Variants in DRC1 observed in about 807,000 individuals in gnomAD.
The protein encoded by DRC1 is dynein regulatory complex protein 1.
A neutral mutation model predicts 98.7 loss-of-function variants in DRC1; 74 were observed. That is an observed-to-expected ratio of 0.75 (90% confidence interval 0.62 to 0.91). DRC1 has a LOEUF of 0.91. DRC1 is among the 40% of genes least tolerant of loss of function. The probability of loss-of-function intolerance (pLI) is 0.00; values close to 1 mark genes in which losing one functional copy is unlikely to be tolerated. For missense variants in DRC1, 875 were observed against 886.0 expected, an observed-to-expected ratio of 0.99 and a Z score of 0.16; for synonymous variants, 336 against 334.1, an observed-to-expected ratio of 1.01 and a Z score of -0.06.
At chr2:26,421,708 G>C (rs1663148405) in intron 3 of DRC1, among the ~76,000 whole-genome samples, 1 of 151,958 alleles carries the variant, frequency 6.6e-6, no homozygotes, top group Non-Finnish European at 1.5e-5. Context: ...TTACAGGCAT[G>C]CGCCACCAAG....
At chr2:26,412,889 T>C (rs1572353833) in intron 1 of DRC1, among the ~76,000 whole-genome samples, 1 of 152,194 alleles carries the variant, frequency 6.6e-6, no homozygotes, top group Admixed American at 6.5e-5. Flanking sequence ...TTCACGCCAT[T>C]CTCCTGCCTC....
intron 3 of DRC1, among the ~76,000 whole-genome samples, chr2:26,422,721 G>T (rs1226916976): frequency 1.3e-5 from 2 of 152,092 alleles, no homozygotes; most frequent in Non-Finnish European, 2.9e-5. Context: ...TTCAAGACCA[G>T]CTTGGCCAAC....
chr2:26,425,395 G>A (rs1229457937), intron 4 of DRC1, among the ~76,000 whole-genome samples: 4 of 152,118 alleles, frequency 2.6e-5, no homozygotes, highest in Admixed American at 2.0e-4. Flanking sequence ...GGGTATACAC[G>A]TATCTCTTTG....
At chr2:26,434,721 C>T (rs1663526122) in intron 7 of DRC1, among the ~76,000 whole-genome samples, 1 of 152,020 alleles carries the variant, frequency 6.6e-6, no homozygotes, top group Non-Finnish European at 1.5e-5. Context: ...GAAACCACGT[C>T]TCTACTAAAA....
chr2:26,416,839 A>G (rs1678821465), intron 2 of DRC1, among the ~76,000 whole-genome samples: 1 of 152,192 alleles, frequency 6.6e-6, no homozygotes, highest in South Asian at 2.1e-4. Flanking sequence ...TGGATAATTT[A>G]TAAGGAGGTT....
chr2:26,431,812 G>T, intron 6 of DRC1, 72 bp from the exon 7 acceptor site: 1 of 1,590,586 alleles, frequency 6.3e-7, no homozygotes, highest in South Asian at 1.1e-5. Flanking sequence ...GTCATGCTGG[G>T]CAGGCCATCC....
intron 7 of DRC1, among the ~76,000 whole-genome samples, chr2:26,435,684 A>G (rs558215909): frequency 8.6e-5 from 13 of 150,896 alleles, no homozygotes; most frequent in Non-Finnish European, 1.3e-4. Flanking sequence ...TTCTGTTCCT[A>G]TGTTAGTTTG....
chr2:26,424,507 G>C, intron 4 of DRC1, 53 bp downstream of exon 4: 1 of 1,545,362 alleles, frequency 6.5e-7, no homozygotes, highest in South Asian at 1.2e-5. Flanking sequence ...CTGGGATTTA[G>C]CTGGGTTACT....
intron 7 of DRC1, among the ~76,000 whole-genome samples, chr2:26,437,697 A>G (rs1451388706): frequency 6.6e-6 from 1 of 152,212 alleles, no homozygotes; most frequent in Non-Finnish European, 1.5e-5. Context: ...AAAATTATTA[A>G]AAGTATATAT....
intron 10 of DRC1, among the ~76,000 whole-genome samples, chr2:26,445,744 C>T (rs190010497): frequency 4.0e-5 from 6 of 151,898 alleles, no homozygotes; most frequent in East Asian, 1.9e-4. Context: ...CTGCAACCTC[C>T]GCCTCCCGGG....
intron 10 of DRC1, among the ~76,000 whole-genome samples, chr2:26,446,094 ATTTTTTTTTTTTT>A (rs35251803): frequency 1.2e-5 from 1 of 83,006 alleles, no homozygotes; most frequent in Non-Finnish European, 2.7e-5. Flanking sequence ...CAAATAGGGA[ATTTTTTTTTTTTT>A]TTTTTTTTTG....
intron 16 of DRC1, among the ~76,000 whole-genome samples, chr2:26,455,837 G>A (rs897005563): frequency 3.3e-5 from 5 of 152,216 alleles, no homozygotes; most frequent in Non-Finnish European, 7.3e-5. Context: ...GGCAAGAGGA[G>A]GAAGGAAAAA....
At chr2:26,438,977 C>T (rs769267120) in intron 7 of DRC1, among the ~76,000 whole-genome samples, 4 of 152,162 alleles carry the variant, frequency 2.6e-5, no homozygotes, top group Non-Finnish European at 4.4e-5. Flanking sequence ...TCAGGGTGAT[C>T]TTTCTACAGT....
chr2:26,423,121 C>G (rs1267122497), intron 3 of DRC1, among the ~76,000 whole-genome samples: 1 of 151,946 alleles, frequency 6.6e-6, no homozygotes, highest in Non-Finnish European at 1.5e-5. Context: ...GGAATGGAGT[C>G]GGCAGATTCC....
At chr2:26,421,549 TTC>T (rs758904928) in intron 3 of DRC1, 149 bp downstream of exon 3, 1 of 437,116 alleles carries the variant, frequency 2.3e-6, no homozygotes, top group Non-Finnish European at 3.9e-6. Context: ...CTCCTCTTCT[TTC>T]TCTCTCTTTT....
intron 4 of DRC1, among the ~76,000 whole-genome samples, chr2:26,425,369 A>G (rs893798665): frequency 1.8e-4 from 28 of 152,310 alleles, no homozygotes; most frequent in African/African-American, 6.5e-4. Flanking sequence ...TTTGTGAGTA[A>G]TGCTGCTATG....
At chr2:26,403,272 G>A (rs569058392) in intron 1 of DRC1, among the ~76,000 whole-genome samples, 12 of 152,168 alleles carry the variant, frequency 7.9e-5, no homozygotes, top group African/African-American at 2.4e-4. Context: ...GAACCTTGGC[G>A]CATCGTTATC....
intron 2 of DRC1, among the ~76,000 whole-genome samples, chr2:26,415,429 T>C (rs1261674561): frequency 1.3e-5 from 2 of 152,208 alleles, no homozygotes; most frequent in Admixed American, 6.5e-5. Context: ...AGATCATTTC[T>C]GGTGAGAAAA....
At chr2:26,426,659 G>A (rs749682996) in intron 4 of DRC1, among the ~76,000 whole-genome samples, 4 of 151,992 alleles carry the variant, frequency 2.6e-5, no homozygotes, top group Non-Finnish European at 4.4e-5. Context: ...GAGCCACTGC[G>A]CCCAGCCTGT....
Sources: gnomAD v4.1 joint callset for allele counts (sites outside exome capture counted in the v4.1 genomes callset) on GRCh38, gnomAD v4.1.1 for gene constraint, MANE v1.5 for transcripts, NCBI Gene and HGNC (gene_info 2026-07-23, HGNC 2026-07-21) for gene names.